The following NFXL1 variants were observed in gnomAD, a reference collection of about 807,000 sequenced individuals.
NFXL1 encodes the protein NF-X1-type zinc finger protein NFXL1.
NFXL1 carries 66 observed loss-of-function variants against 123.3 expected under a neutral mutation model. The observed-to-expected ratio is 0.54, with a 90% CI of 0.44 to 0.66. The LOEUF (loss-of-function observed/expected upper bound fraction) is 0.66, where lower values mean the gene tolerates loss of function less well. NFXL1 is among the 30% of genes least tolerant of loss of function. The pLI is 0.00. For synonymous variants in NFXL1, 346 were observed against 360.8 expected (o/e 0.96, Z 0.46); for missense variants, 944 against 1,125.6 (o/e 0.84, Z 2.31).
chr4:47,859,841 CAAAAAAAAAAAAAA>C (rs938207203), intron 19 of NFXL1, among the ~76,000 whole-genome samples: 1 of 14,314 alleles, frequency 7.0e-5, no homozygotes, highest in African/African-American at 2.5e-4. Flanking sequence ...GACTCCATCT[CAAAAAAAAAAAAAA>C]AAAAAAAAAA....
chr4:47,879,692 C>G (rs1349703410), intron 15 of NFXL1, among the ~76,000 whole-genome samples: 1 of 152,062 alleles, frequency 6.6e-6, no homozygotes, highest in African/African-American at 2.4e-5. Context: ...CTACAGTGAT[C>G]AAGACAGAAT....
intron 20 of NFXL1, among the ~76,000 whole-genome samples, chr4:47,853,912 A>T (rs1396579597): frequency 6.6e-6 from 1 of 152,094 alleles, no homozygotes; most frequent in African/African-American, 2.4e-5. Context: ...GAGACAAGGA[A>T]ATGGGTCACG....
chr4:47,910,525 T>A (rs1194063598), intron 3 of NFXL1, among the ~76,000 whole-genome samples: 1 of 152,152 alleles, frequency 6.6e-6, no homozygotes, highest in Non-Finnish European at 1.5e-5. Context: ...CTTGCCCCAG[T>A]CCACCGCTCA....
intron 18 of NFXL1, among the ~76,000 whole-genome samples, chr4:47,865,942 G>T (rs1411021816): frequency 6.6e-6 from 1 of 152,142 alleles, no homozygotes; most frequent in Non-Finnish European, 1.5e-5. Flanking sequence ...CCTGAGCCTG[G>T]GAGGTCAAGG....
At chr4:47,857,479 T>C (rs367810167) in intron 19 of NFXL1, among the ~76,000 whole-genome samples, 110 of 152,318 alleles carry the variant, frequency 7.2e-4, no homozygotes, top group African/African-American at 2.6e-3. Context: ...TGATGAAAAG[T>C]TAAAAATCAC....
intron 22 of NFXL1, 123 bp downstream of exon 22, chr4:47,850,972 A>G (rs1734082893): frequency 1.5e-6 from 1 of 677,946 alleles, no homozygotes; most frequent in African/African-American, 1.8e-5. Context: ...GTTTTACAAG[A>G]ACTGTTATTT....
At chr4:47,897,884 T>C (rs1737177579) in intron 9 of NFXL1, 83 bp downstream of exon 9, 6 of 837,594 alleles carry the variant, frequency 7.2e-6, no homozygotes, top group Middle Eastern at 3.0e-4. Flanking sequence ...TGCACTTAAG[T>C]TTCCTGGAGG....
chr4:47,848,035 A>G lies in NFXL1; in HGVS notation c.*128T>C, dbSNP rs2110016896. 1.7e-6 allele frequency: 1 copy of G among 593,888 alleles called. No individual in the cohort carries two copies. Among genetic ancestry groups the G allele is most frequent in the East Asian group, 2.9e-5 (1 of 34,666 alleles). 36.8% of individuals were successfully genotyped at this position (593,888 alleles called of 1,614,324 possible). A position where few individuals can be genotyped will look rare whatever the true frequency, so the allele number is the denominator to read the frequency against. On this transcript the variant is annotated 3_prime_UTR_variant, in exon 23 of 23. Coordinates refer to ENST00000507489, the MANE Select transcript of NFXL1 (RefSeq NM_001278624.2). ...AAGTTTAACATTCTGTCCTTCTAACAACAGCTGAGAGAATACAGAGATGAA... is the reference window on the plus strand; with the variant it reads ...AAGTTTAACATTCTGTCCTTCTAACGACAGCTGAGAGAATACAGAGATGAA...
chr4:47,890,866 T>A (rs1248134631), intron 11 of NFXL1, among the ~76,000 whole-genome samples, 163 bp from the exon 12 acceptor site: 2 of 152,212 alleles, frequency 1.3e-5, no homozygotes, highest in Non-Finnish European at 2.9e-5. Context: ...CATACTTCAC[T>A]AAGAACTTAT....
chr4:47,869,705 TTC>T (rs1735313604), intron 18 of NFXL1, among the ~76,000 whole-genome samples: 2 of 152,068 alleles, frequency 1.3e-5, no homozygotes, highest in African/African-American at 4.8e-5. Context: ...ATTTAGAAAT[TTC>T]TTTTTAAAGG....
rs1578048311 is a variant in NFXL1 at position 47,913,953 on chromosome 4, C to T, written c.235+16G>A. 6.5e-7 allele frequency: 1 copy of T among 1,528,438 alleles called. No homozygotes were observed. Among genetic ancestry groups the T allele is most frequent in the East Asian group, 2.5e-5 (1 of 40,514 alleles). 94.7% of individuals were successfully genotyped at this position (1,528,438 alleles called of 1,614,324 possible). On this transcript the variant is annotated intron_variant, in intron 2 of 22. Coordinates refer to ENST00000507489, the MANE Select transcript of NFXL1 (RefSeq NM_001278624.2). ...GGAGGCATCCAGGTGAGCACGCGGG[C>T]GGGAGCCATTCTCACCGCTGGCTGC...
chr4:47,912,979 C>CT (rs1737914453), intron 2 of NFXL1, among the ~76,000 whole-genome samples: 2 of 141,978 alleles, frequency 1.4e-5, no homozygotes, highest in Non-Finnish European at 3.0e-5. Flanking sequence ...CGCCACTGCA[C>CT]TCCAGCCTGG....
rs776657037 is a variant in NFXL1, at chr4:47,855,215, CTA to C, written c.2317-54_2317-53del. 1.9e-4 allele frequency: 200 copies of C among 1,047,046 alleles called. No individual in the cohort carries two copies. In the African/African-American group the frequency reaches 3.0e-3, roughly 16 times the overall value. 64.9% of individuals were successfully genotyped at this position (1,047,046 alleles called of 1,614,324 possible). On this transcript the variant is annotated intron_variant, in intron 19 of 22. Coordinates refer to ENST00000507489, the MANE Select transcript of NFXL1 (RefSeq NM_001278624.2). ...TACATACTTACATCTTGATCATACT[CTA>C]GTTTCCCCCATACCCCAACAATTTT...
In NFXL1 at chr4:47,855,044, A is replaced by C. The variant is rs746598377; in HGVS notation, c.2421+15T>G. On this transcript the variant is annotated intron_variant, in intron 20 of 22. Coordinates refer to ENST00000507489, the MANE Select transcript of NFXL1 (RefSeq NM_001278624.2). ...CTTATATAGAAAAGTATTTTCAATA[A>C]CTTAAAATATTTACCTTTTTTATTC... 8.7e-7 allele frequency: 1 copy of C among 1,152,602 alleles called. No homozygotes were observed. Among genetic ancestry groups the C allele is most frequent in the Admixed American group, 2.1e-5 (1 of 47,948 alleles). 71.4% of individuals were successfully genotyped at this position (1,152,602 alleles called of 1,614,324 possible). A position where few individuals can be genotyped will look rare whatever the true frequency, so the allele number is the denominator to read the frequency against.
At chr4:47,870,450 A>C (rs1735365383) in intron 18 of NFXL1, among the ~76,000 whole-genome samples, 1 of 150,006 alleles carries the variant, frequency 6.7e-6, no homozygotes, top group Admixed American at 6.8e-5. Flanking sequence ...ATCTTACATA[A>C]TGTAGAAATA....
chr4:47,867,628 T>G (rs183526028), intron 18 of NFXL1, among the ~76,000 whole-genome samples: 18 of 147,494 alleles, frequency 1.2e-4, no homozygotes, highest in Admixed American at 3.5e-4. Flanking sequence ...AATAAAAACA[T>G]TAGATTTTAA....
At chr4:47,900,002 G>A (rs1237297900) in intron 5 of NFXL1, among the ~76,000 whole-genome samples, 2 of 152,138 alleles carry the variant, frequency 1.3e-5, no homozygotes, top group Non-Finnish European at 2.9e-5. Context: ...AATTCACTCT[G>A]CTTTTCACAA....
intron 9 of NFXL1, among the ~76,000 whole-genome samples, chr4:47,897,551 C>T (rs1737156939): frequency 6.6e-6 from 1 of 152,106 alleles, no homozygotes; most frequent in Non-Finnish European, 1.5e-5. Context: ...CCCCACCAGA[C>T]TGGTACATTT....
chr4:47,850,991 C>T (rs917180004), intron 22 of NFXL1, 104 bp downstream of exon 22: 1 of 813,544 alleles, frequency 1.2e-6, no homozygotes, highest in Admixed American at 2.1e-5. Flanking sequence ...TTTCAGTTCA[C>T]AATAGAGACT....
Sources: allele counts gnomAD v4.1 joint callset (sites outside exome capture counted in the v4.1 genomes callset), GRCh38; gene constraint gnomAD v4.1.1; transcripts MANE v1.5; gene names NCBI Gene and HGNC (gene_info 2026-07-23, HGNC 2026-07-21).